Variants in GRM5 observed in about 807,000 individuals in gnomAD.
The protein encoded by GRM5 is metabotropic glutamate receptor 5.
Under a neutral mutation model 83.1 loss-of-function variants are expected in GRM5, and 19 were observed. That is an observed-to-expected ratio of 0.23 (90% confidence interval 0.16 to 0.34). The LOEUF (loss-of-function observed/expected upper bound fraction) is 0.34. GRM5 is among the 10% of genes least tolerant of loss of function. The pLI is 1.00. For synonymous variants in GRM5, 675 were observed against 633.6 expected, an observed-to-expected ratio of 1.07 and a Z score of -0.98; for missense variants, 1,160 against 1,588.3, an observed-to-expected ratio of 0.73 and a Z score of 4.58.
At chr11:88,662,405 G>A (rs1473455894) in intron 3 of GRM5, among the ~76,000 whole-genome samples, 1 of 152,088 alleles carries the variant, frequency 6.6e-6, no homozygotes, top group Non-Finnish European at 1.5e-5. Flanking sequence ...GACATGTATT[G>A]GAAAACAGGG....
chr11:89,001,791 C>G (rs1437219829), intron 2 of GRM5, among the ~76,000 whole-genome samples: 1 of 152,098 alleles, frequency 6.6e-6, no homozygotes, highest in Admixed American at 6.6e-5. Flanking sequence ...TAAAAGGGTC[C>G]TAACATCAGC....
intron 3 of GRM5, among the ~76,000 whole-genome samples, chr11:88,839,134 A>G (rs1169143643): frequency 6.6e-6 from 1 of 152,182 alleles, no homozygotes; most frequent in Non-Finnish European, 1.5e-5. Flanking sequence ...TCTTTTCATT[A>G]ATTAAATCAC....
intron 2 of GRM5, among the ~76,000 whole-genome samples, chr11:88,907,406 AACTGAGAGCAAG>A (rs1212202541): frequency 6.6e-6 from 1 of 152,174 alleles, no homozygotes; most frequent in Non-Finnish European, 1.5e-5. Context: ...AGGACATAGA[AACTGAGAGCAAG>A]ACTGAGAGAA....
Position 88,796,659 on chromosome 11 carries a change from G to C in GRM5, c.911+53247C>G, listed in dbSNP as rs557793357. ...TCATTAAGCATGGGAAGTCATATCT[G>C]CCATGGATCCTGCATTATATATGTC... On this transcript the variant is annotated intron_variant, in intron 3 of 9. Coordinates refer to ENST00000305447, the MANE Select transcript of GRM5 (RefSeq NM_001143831.3). 1.6e-4 allele frequency among the ~76,000 whole-genome samples: 25 copies of C among 152,238 alleles called. No homozygotes were observed. In the East Asian group the frequency reaches 4.3e-3, roughly 26 times the overall value.
chr11:88,532,673 A>G (rs576453863), intron 8 of GRM5, among the ~76,000 whole-genome samples: 5 of 152,320 alleles, frequency 3.3e-5, no homozygotes, highest in African/African-American at 1.2e-4. Flanking sequence ...GGGATGATCA[A>G]ATCTCCAATG....
At chr11:89,041,552 A>G (rs941028580) in intron 2 of GRM5, among the ~76,000 whole-genome samples, 3 of 152,204 alleles carry the variant, frequency 2.0e-5, no homozygotes, top group African/African-American at 7.2e-5. Context: ...AGCAAGCTCT[A>G]TATTTTTCTC....
chr11:88,991,801 G>A (rs1443730522), intron 2 of GRM5, among the ~76,000 whole-genome samples: 4 of 151,980 alleles, frequency 2.6e-5, no homozygotes, highest in Non-Finnish European at 5.9e-5. Context: ...GGGAAAACTG[G>A]CTAGCCATAT....
intron 4 of GRM5, among the ~76,000 whole-genome samples, chr11:88,642,548 T>C (rs544632544): frequency 7.7e-4 from 117 of 152,334 alleles, no homozygotes; most frequent in Non-Finnish European, 1.4e-3. Flanking sequence ...CCAACTTTTA[T>C]GTTCTTCTTC....
chr11:88,706,353 G>T, intron 3 of GRM5, among the ~76,000 whole-genome samples: 1 of 152,002 alleles, frequency 6.6e-6, no homozygotes, highest in African/African-American at 2.4e-5. Flanking sequence ...CAACATCTGT[G>T]TTCTGGCATT....
intron 3 of GRM5, among the ~76,000 whole-genome samples, chr11:88,681,183 A>T (rs1003521519): frequency 1.3e-5 from 2 of 151,942 alleles, no homozygotes; most frequent in Non-Finnish European, 2.9e-5. Context: ...CAATTCTCAA[A>T]ATCTTTTTTT....
At chr11:88,798,371 G>GTATT (rs1305982502) in intron 3 of GRM5, among the ~76,000 whole-genome samples, 1 of 152,072 alleles carries the variant, frequency 6.6e-6, no homozygotes, top group Non-Finnish European at 1.5e-5. Context: ...GTAAAGCACT[G>GTATT]TATTTGTTGC....
At chr11:88,805,290 C>A (rs999981800) in intron 3 of GRM5, among the ~76,000 whole-genome samples, 1 of 152,152 alleles carries the variant, frequency 6.6e-6, no homozygotes, top group Non-Finnish European at 1.5e-5. Flanking sequence ...CTCCCGGATT[C>A]AAGTGATTCT....
At chr11:89,007,487 TCTG>T (rs1378741683) in intron 2 of GRM5, among the ~76,000 whole-genome samples, 1 of 152,220 alleles carries the variant, frequency 6.6e-6, no homozygotes, top group Non-Finnish European at 1.5e-5. Context: ...CCATTATCAT[TCTG>T]CTGCTATTTT....
intron 2 of GRM5, among the ~76,000 whole-genome samples, chr11:88,952,729 C>T (rs1938502956): frequency 1.3e-5 from 2 of 151,464 alleles, no homozygotes; most frequent in Admixed American, 1.3e-4. Flanking sequence ...TAGAGGAAAT[C>T]AAACAATGGG....
At chr11:88,699,802 G>A (rs7479234) in intron 3 of GRM5, among the ~76,000 whole-genome samples, 148,277 of 152,280 alleles carry the variant, frequency 0.97, 72,327 homozygotes, top group East Asian at 1. Context: ...AATACGTTAT[G>A]TCAGCATTTC....
At chr11:88,888,340 G>T (rs1360024430) in intron 2 of GRM5, among the ~76,000 whole-genome samples, 7 of 152,116 alleles carry the variant, frequency 4.6e-5, no homozygotes, top group African/African-American at 1.2e-4. Flanking sequence ...TGAGCAATAG[G>T]TCTCCTATAG....
At chr11:88,744,656 GTGTCC>G (rs1304486848) in intron 3 of GRM5, among the ~76,000 whole-genome samples, 3 of 152,106 alleles carry the variant, frequency 2.0e-5, no homozygotes, top group Non-Finnish European at 4.4e-5. Context: ...ATGGTAGGGC[GTGTCC>G]TACTGCACCA....
At chr11:88,520,047 AT>A (rs1941637439) in intron 9 of GRM5, among the ~76,000 whole-genome samples, 1 of 152,114 alleles carries the variant, frequency 6.6e-6, no homozygotes, top group African/African-American at 2.4e-5. Flanking sequence ...TTTTCATGAG[AT>A]TGCTCTACTG....
intron 3 of GRM5, among the ~76,000 whole-genome samples, chr11:88,819,629 A>G (rs983426924): frequency 6.6e-6 from 1 of 152,224 alleles, no homozygotes; most frequent in Non-Finnish European, 1.5e-5. Flanking sequence ...TTTTTCTTAA[A>G]TCATCTTTAG....
Sources: gnomAD v4.1 joint callset for allele counts (sites outside exome capture counted in the v4.1 genomes callset) on GRCh38, gnomAD v4.1.1 for gene constraint, MANE v1.5 for transcripts, NCBI Gene and HGNC (gene_info 2026-07-23, HGNC 2026-07-21) for gene names.